The following FGF18 variants were observed in gnomAD, a reference collection of about 807,000 sequenced individuals.
FGF18 encodes fibroblast growth factor 18.
Under a neutral mutation model 23.0 loss-of-function variants are expected in FGF18, and 5 were observed. The ratio of observed to expected loss-of-function variants is 0.22; its 90% CI spans 0.11 to 0.46. The LOEUF (loss-of-function observed/expected upper bound fraction) is 0.46, where lower values mean the gene tolerates loss of function less well. Among genes scored for constraint, FGF18 ranks in the 20% least tolerant of loss-of-function variants. FGF18 has a pLI of 0.99. For synonymous variants in FGF18, 117 were observed against 118.9 expected, an observed-to-expected ratio of 0.98 and a Z score of 0.10; for missense variants, 180 against 291.6, an observed-to-expected ratio of 0.62 and a Z score of 2.79.
chr5:171,453,491 A>T (rs932100323), intron 4 of FGF18, among the ~76,000 whole-genome samples: 3 of 152,154 alleles, frequency 2.0e-5, no homozygotes, highest in African/African-American at 7.2e-5. Context: ...TTTGATGGGC[A>T]GCACCTGCTC....
At chr5:171,448,527 C>T (rs1343633992) in intron 3 of FGF18, among the ~76,000 whole-genome samples, 3 of 152,152 alleles carry the variant, frequency 2.0e-5, no homozygotes, top group African/African-American at 7.2e-5. Flanking sequence ...TGTGCGTGCA[C>T]ATGCCTGCAT....
At chr5:171,439,210 T>A (rs1467334083) in intron 3 of FGF18, among the ~76,000 whole-genome samples, 1 of 152,164 alleles carries the variant, frequency 6.6e-6, no homozygotes, top group Non-Finnish European at 1.5e-5. Flanking sequence ...GGTCCCTTAG[T>A]GAAATCTGCT....
chr5:171,442,169 C>T (rs12519454), intron 3 of FGF18, among the ~76,000 whole-genome samples: 14,680 of 152,198 alleles, frequency 0.096, 954 homozygotes, highest in South Asian at 0.16. Context: ...ACAGAGCTCC[C>T]GATGAACCCT....
intron 3 of FGF18, among the ~76,000 whole-genome samples, chr5:171,446,873 G>A (rs1408591488): frequency 6.6e-6 from 1 of 152,144 alleles, no homozygotes; most frequent in African/African-American, 2.4e-5. Flanking sequence ...TTTGCAGTGT[G>A]GGATGTCTGC....
At chr5:171,422,897 C>T (rs1334297682) in intron 2 of FGF18, among the ~76,000 whole-genome samples, 1 of 152,150 alleles carries the variant, frequency 6.6e-6, no homozygotes, top group East Asian at 1.9e-4. Context: ...TTAGCTGCAT[C>T]ATTTATGAAA....
intron 2 of FGF18, among the ~76,000 whole-genome samples, chr5:171,420,988 C>T (rs1303187771): frequency 1.3e-5 from 2 of 152,200 alleles, no homozygotes; most frequent in East Asian, 1.9e-4. Flanking sequence ...GCCGAGTGGC[C>T]GCTGCCCGCG....
chr5:171,424,028 G>C (rs1772058288), intron 2 of FGF18, among the ~76,000 whole-genome samples: 1 of 152,140 alleles, frequency 6.6e-6, no homozygotes, highest in South Asian at 2.1e-4. Flanking sequence ...GCCTCCCAAA[G>C]TGCTGGGATT....
At chr5:171,429,056 G>A (rs369972952) in intron 2 of FGF18, among the ~76,000 whole-genome samples, 4 of 152,318 alleles carry the variant, frequency 2.6e-5, no homozygotes, top group South Asian at 2.1e-4. Flanking sequence ...CCTTTGCGGC[G>A]TCACTGTCTG....
rs80281364 is a variant in FGF18, at chr5:171,457,036, A to C, written c.*231A>C. On this transcript the variant is annotated 3_prime_UTR_variant, in exon 5 of 5. Coordinates refer to ENST00000274625, the MANE Select transcript of FGF18 (RefSeq NM_003862.3). ...GACTCACGCAAAGGGACTGTAGTCA[A>C]CCCACAGGTGCTTGTCTCTCTCTAG... The C allele has an allele frequency of 3.1e-3, 1,711 of 549,208 alleles. 25 individuals carry two copies. The highest frequency in any genetic ancestry group is 0.03 in the African/African-American group (1,595 of 52,932). 34.0% of individuals were successfully genotyped at this position (549,208 alleles called of 1,614,324 possible).
At chr5:171,431,387 G>A (rs1156232066) in intron 2 of FGF18, among the ~76,000 whole-genome samples, 2 of 152,174 alleles carry the variant, frequency 1.3e-5, no homozygotes, top group African/African-American at 2.4e-5. Flanking sequence ...GAGCTGCACC[G>A]GGAGAGGATG....
intron 3 of FGF18, among the ~76,000 whole-genome samples, chr5:171,443,542 A>T (rs6886141): frequency 8.9e-6 from 1 of 112,672 alleles, no homozygotes; most frequent in East Asian, 2.6e-4. Context: ...TAGCAGAGAC[A>T]GGGTTTCACC....
intron 2 of FGF18, among the ~76,000 whole-genome samples, chr5:171,433,116 A>AC (rs1307207268): frequency 6.6e-6 from 1 of 151,850 alleles, no homozygotes; most frequent in Non-Finnish European, 1.5e-5. Context: ...ACCAGAGGCC[A>AC]CCCCCGCCAC....
At chr5:171,438,099 CTTT>C (rs372013681) in intron 3 of FGF18, among the ~76,000 whole-genome samples, 11 of 135,640 alleles carry the variant, frequency 8.1e-5, no homozygotes, top group Non-Finnish European at 7.9e-5. Flanking sequence ...TTTTTCTTTT[CTTT>C]TTTTTTTTTT....
chr5:171,434,503 G>A lies in FGF18; in HGVS notation c.70-1590G>A, dbSNP rs1252667794. 2.6e-5 allele frequency among the ~76,000 whole-genome samples: 4 copies of A among 152,330 alleles called. No homozygotes were observed. Among genetic ancestry groups the A allele is most frequent in the Admixed American group, 6.5e-5 (1 of 15,312 alleles). ...GCTCTGCCATGGGCTGAGTGGGGGC[G>A]TGCCAGCGTGGGAATGGGGGTCCCT... On this transcript the variant is annotated intron_variant, in intron 2 of 4. Transcript: ENST00000274625. This position sits in a 1 kb window ranked among gnomAD's most constrained non-coding sequence, Gnocchi z 4.6.
chr5:171,442,979 TGTTCAAATCCTG>T (rs1160593773), intron 3 of FGF18, among the ~76,000 whole-genome samples: 4 of 152,250 alleles, frequency 2.6e-5, no homozygotes, highest in Non-Finnish European at 5.9e-5. Context: ...GCTCTGCCTG[TGTTCAAATCCTG>T]GTCCTACTGT....
rs920301481 is a variant in FGF18 at position 171,440,763 on chromosome 5, T to C, written c.250+4490T>C. 6.6e-6 allele frequency among the ~76,000 whole-genome samples: 1 copy of C among 152,054 alleles called. No individual in the cohort carries two copies. The highest frequency in any genetic ancestry group is 1.5e-5 in the Non-Finnish European group (1 of 68,012). On this transcript the variant is annotated intron_variant, in intron 3 of 4. Coordinates refer to ENST00000274625, the MANE Select transcript of FGF18 (RefSeq NM_003862.3). This position sits in a 1 kb window ranked among gnomAD's most constrained non-coding sequence, Gnocchi z 4.0. ...ATGGGGTTAGTCTGTGATTCCAGCT[T>C]TACAGGGAGTCAGCACGCCCCAGTG...
intron 2 of FGF18, among the ~76,000 whole-genome samples, chr5:171,428,959 C>T (rs1055804108): frequency 1.3e-5 from 2 of 152,218 alleles, no homozygotes; most frequent in Non-Finnish European, 2.9e-5. Context: ...TGCAGTGCCC[C>T]CCTCCCCTGC....
At chr5:171,446,225 G>T (rs1581278004) in intron 3 of FGF18, among the ~76,000 whole-genome samples, 1 of 152,178 alleles carries the variant, frequency 6.6e-6, no homozygotes, top group Non-Finnish European at 1.5e-5. Flanking sequence ...GCTGGGGTGG[G>T]GGTGGCTAGG....
intron 2 of FGF18, among the ~76,000 whole-genome samples, chr5:171,433,594 A>G (rs748457440): frequency 3.4e-4 from 51 of 152,140 alleles, no homozygotes; most frequent in African/African-American, 3.1e-4. Context: ...GGACCCAGGT[A>G]TCAGACCCGG....
Sources: gnomAD v4.1 joint callset for allele counts (sites outside exome capture counted in the v4.1 genomes callset) on GRCh38, gnomAD v4.1.1 for gene constraint, Gnocchi (gnomAD v3.1) non-coding constraint, MANE v1.5 for transcripts, NCBI Gene and HGNC (gene_info 2026-07-23, HGNC 2026-07-21) for gene names.